NKAIN2: variants seen among roughly 807,000 people sequenced by gnomAD.
The protein encoded by NKAIN2 is sodium/potassium-transporting ATPase subunit beta-1-interacting protein 2.
In NKAIN2, 14 loss-of-function variants were observed where a neutral mutation model predicts 32.6. That is an observed-to-expected ratio of 0.43 (90% CI 0.28 to 0.67). NKAIN2 has a LOEUF of 0.67. NKAIN2 is among the 30% of genes least tolerant of loss of function. The probability of loss-of-function intolerance (pLI) is 0.17; values close to 1 mark genes in which losing one functional copy is unlikely to be tolerated. For synonymous variants in NKAIN2, 80 were observed against 87.2 expected, an observed-to-expected ratio of 0.92 and a Z score of 0.46; for missense variants, 198 against 258.3, an observed-to-expected ratio of 0.77 and a Z score of 1.60.
intron 3 of NKAIN2, among the ~76,000 whole-genome samples, chr6:124,629,071 G>A (rs1158738023): frequency 6.6e-6 from 1 of 152,070 alleles, no homozygotes. Flanking sequence ...CTAAGTGATG[G>A]GAAAGAGAAA....
At chr6:124,250,196 G>C (rs911766932) in intron 1 of NKAIN2, among the ~76,000 whole-genome samples, 65 of 152,174 alleles carry the variant, frequency 4.3e-4, no homozygotes, top group African/African-American at 1.4e-3. Flanking sequence ...CCAAACATTA[G>C]ATCTGCTGGT....
chr6:124,810,400 G>C (rs942178750), intron 5 of NKAIN2, among the ~76,000 whole-genome samples: 1 of 151,806 alleles, frequency 6.6e-6, no homozygotes, highest in African/African-American at 2.4e-5. Flanking sequence ...ACCAAACACC[G>C]CATATTCTCA....
chr6:124,428,233 T>G (rs1775065773), intron 3 of NKAIN2, among the ~76,000 whole-genome samples: 1 of 152,180 alleles, frequency 6.6e-6, no homozygotes, highest in South Asian at 2.1e-4. Flanking sequence ...AAACTGAGTT[T>G]TTAAACATAG....
At chr6:124,482,502 GTA>G (rs1354840728) in intron 3 of NKAIN2, among the ~76,000 whole-genome samples, 2 of 152,224 alleles carry the variant, frequency 1.3e-5, no homozygotes, top group East Asian at 3.9e-4. Context: ...GAGTGTGTGT[GTA>G]TACTTGGGAA....
Position 124,806,073 on chromosome 6 carries a change from T to C in NKAIN2, c.536-12314T>C, listed in dbSNP as rs1333287370. Among the ~76,000 whole-genome samples, 4 of 152,144 alleles carry C rather than the reference T, an allele frequency of 2.6e-5. No homozygotes were observed. In the East Asian group the frequency reaches 5.8e-4, roughly 22 times the overall value. On this transcript the variant is annotated intron_variant, in intron 5 of 6. Coordinates refer to ENST00000368417, the MANE Select transcript of NKAIN2 (RefSeq NM_001040214.3). ...AAGTTGGAAAACATTCTGCAGGATA[T>C]TATCCAGGAGAACTTCTCCAATCTA... is the stretch of plus-strand genomic sequence containing the variant.
At chr6:123,927,173 T>C (rs1776041349) in intron 1 of NKAIN2, among the ~76,000 whole-genome samples, 1 of 152,182 alleles carries the variant, frequency 6.6e-6, no homozygotes, top group African/African-American at 2.4e-5. Flanking sequence ...TTAAATCCCT[T>C]AGTAACTAAA....
At chr6:124,266,014 C>T (rs1794478400) in intron 1 of NKAIN2, among the ~76,000 whole-genome samples, 1 of 152,070 alleles carries the variant, frequency 6.6e-6, no homozygotes, top group African/African-American at 2.4e-5. Context: ...GGAGGCAATA[C>T]CATTATTTCT....
At chr6:124,268,067 G>A (rs994804073) in intron 1 of NKAIN2, among the ~76,000 whole-genome samples, 7 of 151,768 alleles carry the variant, frequency 4.6e-5, no homozygotes, top group African/African-American at 7.3e-5. Flanking sequence ...TAAGTCTATC[G>A]TGTATGTAAT....
At chr6:124,679,897 C>G (rs149327503) in intron 4 of NKAIN2, among the ~76,000 whole-genome samples, 33 of 152,072 alleles carry the variant, frequency 2.2e-4, no homozygotes, top group Non-Finnish European at 4.3e-4. Flanking sequence ...CTGGGCTATT[C>G]AAAGTTGTCA....
rs1562282322 is a variant in NKAIN2 at position 124,609,531 on chromosome 6, C to T, written c.274-48655C>T. Among the ~76,000 whole-genome samples the T allele has an allele frequency of 2.0e-5, 3 of 152,068 alleles. No homozygotes were observed. In the South Asian group the frequency reaches 6.2e-4, roughly 31 times the overall value. On this transcript the variant is annotated intron_variant, in intron 3 of 6. Coordinates refer to ENST00000368417, the MANE Select transcript of NKAIN2 (RefSeq NM_001040214.3). Reference sequence around the variant, plus strand: ...GAAATTTAAAAAAGTATCAGAAAAACTCGGCATGGGGGATGAGAGTAACGA... The same window carrying T: ...GAAATTTAAAAAAGTATCAGAAAAATTCGGCATGGGGGATGAGAGTAACGA...
chr6:124,602,666 T>G (rs769412302), intron 3 of NKAIN2, among the ~76,000 whole-genome samples: 4 of 151,990 alleles, frequency 2.6e-5, no homozygotes, highest in Non-Finnish European at 4.4e-5. Flanking sequence ...TTTTCTTTTG[T>G]TCTTTGTTCT....
intron 4 of NKAIN2, among the ~76,000 whole-genome samples, chr6:124,681,710 G>A (rs1773628292): frequency 6.6e-6 from 1 of 151,960 alleles, no homozygotes; most frequent in African/African-American, 2.4e-5. Context: ...GAGACATATG[G>A]GGATAGAGAA....
intron 3 of NKAIN2, among the ~76,000 whole-genome samples, chr6:124,591,606 C>G (rs1479054): frequency 0.18 from 27,508 of 151,938 alleles, 3,186 homozygotes; most frequent in African/African-American, 0.33. Flanking sequence ...GGTATCAAAG[C>G]AATTTGAAAG....
chr6:124,486,636 A>C (rs1056180654), intron 3 of NKAIN2, among the ~76,000 whole-genome samples: 1 of 152,160 alleles, frequency 6.6e-6, no homozygotes. Flanking sequence ...GTTTTATGTT[A>C]CTACAATCAG....
intron 4 of NKAIN2, among the ~76,000 whole-genome samples, chr6:124,753,359 T>A (rs1236857486): frequency 1.3e-5 from 2 of 152,102 alleles, no homozygotes; most frequent in Non-Finnish European, 2.9e-5. Flanking sequence ...AGACAAAACC[T>A]CCTAAGATAA....
chr6:124,626,630 T>C (rs952494223), intron 3 of NKAIN2, among the ~76,000 whole-genome samples: 7 of 152,164 alleles, frequency 4.6e-5, no homozygotes, highest in African/African-American at 1.7e-4. Flanking sequence ...ATTACTGATA[T>C]CAAGACAACT....
chr6:123,900,198 G>A (rs192141737), intron 1 of NKAIN2, among the ~76,000 whole-genome samples: 12 of 152,240 alleles, frequency 7.9e-5, no homozygotes, highest in Admixed American at 7.8e-4. Context: ...CAGGATGGAT[G>A]CGGTGGCTCA....
intron 1 of NKAIN2, among the ~76,000 whole-genome samples, chr6:123,914,979 A>C (rs111763741): frequency 0.012 from 1,781 of 152,252 alleles, 29 homozygotes; most frequent in African/African-American, 0.04. Flanking sequence ...ACATTTACTG[A>C]ATCAAAGTCT....
intron 1 of NKAIN2, among the ~76,000 whole-genome samples, chr6:123,857,263 T>C (rs1485671038): frequency 2.1e-5 from 1 of 48,458 alleles, no homozygotes; most frequent in Non-Finnish European, 4.3e-5. Flanking sequence ...GTGATTTAGA[T>C]TTTTTTTTTT....
Sources: gnomAD v4.1 joint callset for allele counts (sites outside exome capture counted in the v4.1 genomes callset) on GRCh38, gnomAD v4.1.1 for gene constraint, MANE v1.5 for transcripts, NCBI Gene and HGNC (gene_info 2026-07-23, HGNC 2026-07-21) for gene names.